Variants in DMD observed in about 807,000 individuals in gnomAD.
DMD encodes mutant dystrophin.
In DMD, 63 loss-of-function variants were observed where a neutral mutation model predicts 330.1. The observed-to-expected ratio is 0.19, with a 90% CI of 0.16 to 0.24. The LOEUF is 0.24. Among genes scored for constraint, DMD ranks in the 10% least tolerant of loss-of-function variants. The pLI is 1.00. For synonymous variants in DMD, 1,223 were observed against 959.8 expected (o/e 1.27, Z -5.07); for missense variants, 3,344 against 2,684.1 (o/e 1.25, Z -5.43).
At chrX:32,336,018 TGTATATATAACGTTATATATAACGTG>T (rs2090179590) in intron 41 of DMD, among the ~76,000 whole-genome samples, 3 of 95,366 alleles carry the variant, frequency 3.1e-5, no homozygotes, top group African/African-American at 8.4e-5. Flanking sequence ...ATATATAACG[TGTATATATAACGTTATATATAACGTG>T]TATATATAAC....
chrX:32,407,673 C>T (rs1278307640), intron 30 of DMD, among the ~76,000 whole-genome samples: 111 of 110,431 alleles, frequency 1.0e-3, no homozygotes, highest in Admixed American at 1.4e-3. Context: ...CACATGCACA[C>T]GTATGTTTAT....
intron 20 of DMD, among the ~76,000 whole-genome samples, chrX:32,485,677 A>T (rs2042362807): frequency 9.8e-6 from 1 of 101,739 alleles, no homozygotes; most frequent in East Asian, 3.2e-4. Flanking sequence ...ATATATCTAT[A>T]ATCTTCTATG....
At chrX:32,444,862 A>G (rs953456420) in intron 27 of DMD, among the ~76,000 whole-genome samples, 30 of 110,709 alleles carry the variant, frequency 2.7e-4, no homozygotes, top group Admixed American at 9.6e-5. Flanking sequence ...CCACTCATCT[A>G]CTGGGTGGAT....
At chrX:31,914,551 A>G (rs1231441557) in intron 47 of DMD, among the ~76,000 whole-genome samples, 1 of 112,553 alleles carries the variant, frequency 8.9e-6, no homozygotes, top group Non-Finnish European at 1.9e-5. Flanking sequence ...CTATTCTGCC[A>G]TAGAAAAGAT....
chrX:32,665,832 G>A (rs754373397), intron 9 of DMD, among the ~76,000 whole-genome samples: 28 of 111,658 alleles, frequency 2.5e-4, no homozygotes, highest in Non-Finnish European at 4.7e-4. Context: ...GTGTTTTCCC[G>A]GTAATCTTTT....
chrX:31,589,196 T>G (rs1417853104), intron 55 of DMD, among the ~76,000 whole-genome samples: 1 of 111,099 alleles, frequency 9.0e-6, no homozygotes, highest in African/African-American at 3.3e-5. Flanking sequence ...AAAATCACTT[T>G]CCCATGACTT....
intron 20 of DMD, among the ~76,000 whole-genome samples, chrX:32,489,281 T>G (rs2042766018): frequency 9.1e-6 from 1 of 110,001 alleles, no homozygotes; most frequent in Non-Finnish European, 1.9e-5. Flanking sequence ...GTGAGACTAT[T>G]TGGTGATAGG....
chrX:32,242,586 A>T (rs755217846), intron 43 of DMD, among the ~76,000 whole-genome samples: 2 of 111,648 alleles, frequency 1.8e-5, no homozygotes, highest in Non-Finnish European at 3.8e-5. Flanking sequence ...TTATATACAA[A>T]GAGTATGTAA....
intron 44 of DMD, among the ~76,000 whole-genome samples, chrX:32,210,483 T>G (rs1348781938): frequency 8.9e-6 from 1 of 112,124 alleles, no homozygotes; most frequent in Non-Finnish European, 1.9e-5. Flanking sequence ...GTGTGGCTGT[T>G]AAGAAGCCGT....
rs1023553628 is a variant in DMD, at chrX:31,147,477, T to C, written c.10595A>G (p.Glu3532Gly). 2 of 1,205,553 alleles carry C rather than the reference T, an allele frequency of 1.7e-6. No individual in the cohort carries two copies. The highest frequency in any genetic ancestry group is 4.4e-5 in the Admixed American group (2 of 45,704). Residue 3532 changes from glutamate to glycine, a missense_variant, in exon 75 of 79, where the codon GAA becomes GGA. Glu to Gly is a moderately conservative substitution (Grantham distance 98, BLOSUM62 -2). Transcript: ENST00000357033. ...AEYDRLKQQH[E>G]HKGLSPLPSP... ...CGGCAGTGGGGACAGGCCTTTATGT[T>C]CGTGCTGCTGCTTTAGACGGTCATA... is the stretch of plus-strand genomic sequence containing the variant.
chrX:33,098,225 C>A (rs1314293863), intron 1 of DMD, among the ~76,000 whole-genome samples: 1 of 111,565 alleles, frequency 9.0e-6, no homozygotes, highest in Non-Finnish European at 1.9e-5. Context: ...GAAAACGAAG[C>A]CTCAACACCT....
At chrX:32,963,744 A>G (rs188880035) in intron 2 of DMD, among the ~76,000 whole-genome samples, 3 of 111,696 alleles carry the variant, frequency 2.7e-5, no homozygotes, top group African/African-American at 9.7e-5. Context: ...GTGATCTACA[A>G]GAGAAGTTGG....
At chrX:31,437,400 T>C (rs2064610337) in intron 60 of DMD, among the ~76,000 whole-genome samples, 1 of 111,716 alleles carries the variant, frequency 9.0e-6, no homozygotes, top group Non-Finnish European at 1.9e-5. Context: ...CCTGGGAGCA[T>C]GATAGAAATG....
At chrX:31,535,700 A>T (rs909914681) in intron 55 of DMD, among the ~76,000 whole-genome samples, 3 of 111,681 alleles carry the variant, frequency 2.7e-5, no homozygotes, top group Non-Finnish European at 5.7e-5. Context: ...TCCCCCTCCA[A>T]TCTTCCAAGT....
chrX:33,223,492 T>C (rs182176562), intron 1 of DMD, among the ~76,000 whole-genome samples: 121 of 112,406 alleles, frequency 1.1e-3, no homozygotes, highest in Admixed American at 2.8e-3. Context: ...GTCAACTGAC[T>C]GATGTTTGAT....
chrX:32,492,867 C>T (rs1270586766), intron 19 of DMD, among the ~76,000 whole-genome samples: 1 of 111,907 alleles, frequency 8.9e-6, no homozygotes, highest in African/African-American at 3.2e-5. Context: ...CATGTACCTA[C>T]AGAGATCTCA....
chrX:32,780,100 G>A lies in DMD; in HGVS notation c.649+29393C>T, dbSNP rs770727129. On this transcript the variant is annotated intron_variant, in intron 7 of 78. Transcript: ENST00000357033. ...CACACACTTACCCGATATGTAGTGT[G>A]TATTGCTTTAGCATACTCAATAAAA... 1.3e-4 allele frequency among the ~76,000 whole-genome samples: 15 copies of A among 111,730 alleles called. 1 individual carries two copies. In the South Asian group the frequency reaches 5.6e-3, roughly 42 times the overall value.
At chrX:31,764,000 T>C in intron 51 of DMD, among the ~76,000 whole-genome samples, 1 of 111,191 alleles carries the variant, frequency 9.0e-6, no homozygotes, top group Non-Finnish European at 1.9e-5. Flanking sequence ...CTCAGCCTCC[T>C]GAGTAGCTAA....
Position 32,328,886 on chromosome X carries a change from A to G in DMD, c.5922+13214T>C, listed in dbSNP as rs571792742. ...TGCTTTATGAAAAGCTAAATAAAAA[A>G]TTGCTCTTTTTTTTCTTTTCCTTAT... On this transcript the variant is annotated intron_variant, in intron 41 of 78. Coordinates refer to ENST00000357033, the MANE Select transcript of DMD (RefSeq NM_004006.3). Among the ~76,000 whole-genome samples, 3 of 111,600 alleles carry G rather than the reference A, an allele frequency of 2.7e-5. No individual in the cohort carries two copies. The East Asian group carries it at 8.5e-4, about 32-fold the overall frequency.
Sources: gnomAD v4.1 joint callset for allele counts (sites outside exome capture counted in the v4.1 genomes callset) on GRCh38, gnomAD v4.1.1 for gene constraint, MANE v1.5 for transcripts, NCBI Gene and HGNC (gene_info 2026-07-23, HGNC 2026-07-21) for gene names.